DLGAP1: variants seen among roughly 807,000 people sequenced by gnomAD.
The protein encoded by DLGAP1 is disks large-associated protein 1.
A neutral mutation model predicts 90.8 loss-of-function variants in DLGAP1; 11 were observed. That is an observed-to-expected ratio of 0.12 (90% CI 0.08 to 0.20). The LOEUF is 0.20. DLGAP1 is among the 10% of genes least tolerant of loss of function. The pLI, the probability that DLGAP1 is intolerant of heterozygous loss-of-function variation, is 1.00. For missense variants in DLGAP1, 1,050 were observed against 1,333.8 expected, an observed-to-expected ratio of 0.79 and a Z score of 3.31; for synonymous variants, 558 against 540.7, an observed-to-expected ratio of 1.03 and a Z score of -0.44.
At chr18:3,752,553 T>C (rs1356497528) in intron 5 of DLGAP1, among the ~76,000 whole-genome samples, 2 of 100,204 alleles carry the variant, frequency 2.0e-5, no homozygotes, top group Non-Finnish European at 3.7e-5. Context: ...CTCCCTCCCT[T>C]CCTTCCTTCT....
intron 2 of DLGAP1, among the ~76,000 whole-genome samples, chr18:4,095,305 A>T (rs1237372455): frequency 6.6e-6 from 1 of 152,152 alleles, no homozygotes; most frequent in African/African-American, 2.4e-5. Flanking sequence ...CACCTTCCCC[A>T]ATCAGGTACA....
intron 4 of DLGAP1, among the ~76,000 whole-genome samples, chr18:3,875,412 T>G (rs1176061526): frequency 2.6e-5 from 4 of 152,202 alleles, no homozygotes; most frequent in African/African-American, 9.6e-5. Context: ...CAAAGTTGTT[T>G]TGAGTACTTA....
intron 2 of DLGAP1, among the ~76,000 whole-genome samples, chr18:4,096,552 A>G (rs2075683118): frequency 6.7e-6 from 1 of 149,934 alleles, no homozygotes; most frequent in Admixed American, 6.7e-5. Context: ...GAATCTTTTC[A>G]TAGGTTTCAT....
In DLGAP1 at chr18:3,973,175, T is replaced by A. The variant is rs182464352; in HGVS notation, c.-73+31941A>T. ...TGAATACTTACAATGTACAAAATAA[T>A]TTCCTAGATTCTATAAGGAACACAG... On this transcript the variant is annotated intron_variant, in intron 3 of 12. Coordinates refer to ENST00000315677, the MANE Select transcript of DLGAP1 (RefSeq NM_004746.4). 3.9e-5 allele frequency among the ~76,000 whole-genome samples: 6 copies of A among 152,146 alleles called. No homozygotes were observed. The East Asian group carries it at 1.2e-3, about 29-fold the overall frequency.
chr18:4,402,314 C>T (rs1281944769), intron 1 of DLGAP1, among the ~76,000 whole-genome samples: 1 of 152,160 alleles, frequency 6.6e-6, no homozygotes, highest in Non-Finnish European at 1.5e-5. Context: ...ATTTAATCCA[C>T]TAAATTTTAG....
chr18:4,442,965 G>A (rs1268706777), intron 1 of DLGAP1, among the ~76,000 whole-genome samples: 6 of 152,116 alleles, frequency 3.9e-5, no homozygotes, highest in Non-Finnish European at 7.3e-5. Context: ...TCAATAAATC[G>A]GTTTTGGTTG....
chr18:4,150,792 C>T (rs2076662703), intron 2 of DLGAP1, among the ~76,000 whole-genome samples: 1 of 152,182 alleles, frequency 6.6e-6, no homozygotes. Flanking sequence ...TGGATAAATG[C>T]AAATTTGTTC....
intron 1 of DLGAP1, among the ~76,000 whole-genome samples, chr18:4,350,976 C>T (rs950755458): frequency 2.6e-5 from 4 of 152,236 alleles, no homozygotes; most frequent in Admixed American, 2.0e-4. Context: ...CCAGCACACA[C>T]TGAAATAGCC....
At chr18:3,588,860 C>G (rs958935319) in intron 7 of DLGAP1, among the ~76,000 whole-genome samples, 1 of 152,118 alleles carries the variant, frequency 6.6e-6, no homozygotes, top group African/African-American at 2.4e-5. Context: ...CGAGCTAGCT[C>G]ATGATTGAAT....
chr18:3,947,562 A>T (rs767777226), intron 3 of DLGAP1, among the ~76,000 whole-genome samples: 1 of 152,200 alleles, frequency 6.6e-6, no homozygotes, highest in Non-Finnish European at 1.5e-5. Context: ...TAAGATACAC[A>T]TACGTATGTT....
intron 1 of DLGAP1, among the ~76,000 whole-genome samples, chr18:4,367,718 A>G (rs1023709478): frequency 4.6e-5 from 7 of 152,030 alleles, no homozygotes; most frequent in South Asian, 2.1e-4. Context: ...GCGTCGTGGC[A>G]GGCACCTGCA....
chr18:3,740,981 A>G (rs1054414543), intron 6 of DLGAP1, among the ~76,000 whole-genome samples: 19 of 119,694 alleles, frequency 1.6e-4, no homozygotes, highest in Admixed American at 8.6e-4. Context: ...TCACATCACC[A>G]CCACCACCAC....
intron 1 of DLGAP1, among the ~76,000 whole-genome samples, chr18:4,274,242 TTTC>T (rs1354467601): frequency 1.3e-5 from 2 of 152,160 alleles, no homozygotes; most frequent in African/African-American, 4.8e-5. Context: ...TGTTTTTGGA[TTTC>T]TTTTTTAATT....
chr18:4,316,512 A>G lies in DLGAP1; in HGVS notation c.-267+138494T>C, dbSNP rs143023389. ...ACAGTCTTACTCAGAGATATCCCAG[A>G]AAACCACGGTCCTCTCCTATGGCTC... On this transcript the variant is annotated intron_variant, in intron 1 of 12. Coordinates refer to ENST00000315677, the MANE Select transcript of DLGAP1 (RefSeq NM_004746.4). Among the ~76,000 whole-genome samples, 24 of 152,310 alleles carry G rather than the reference A, an allele frequency of 1.6e-4. No individual in the cohort carries two copies. In the East Asian group the frequency reaches 4.3e-3, roughly 27 times the overall value.
chr18:3,782,504 T>C (rs2065247183), intron 5 of DLGAP1, among the ~76,000 whole-genome samples: 2 of 152,226 alleles, frequency 1.3e-5, no homozygotes, highest in South Asian at 4.1e-4. Flanking sequence ...AGAGAGACTT[T>C]GCAGGTGTTG....
intron 3 of DLGAP1, among the ~76,000 whole-genome samples, chr18:3,932,007 T>A (rs2072527809): frequency 6.6e-6 from 1 of 152,186 alleles, no homozygotes; most frequent in Admixed American, 6.5e-5. Flanking sequence ...CCTGCTTTCT[T>A]ACCTGCACAT....
chr18:3,837,586 T>C (rs1305158009), intron 4 of DLGAP1, among the ~76,000 whole-genome samples: 1 of 152,086 alleles, frequency 6.6e-6, no homozygotes, highest in Non-Finnish European at 1.5e-5. Context: ...CAGTGGCTCA[T>C]GCCTGTAATT....
chr18:4,365,874 T>C (rs1392958229), intron 1 of DLGAP1, among the ~76,000 whole-genome samples: 1 of 152,144 alleles, frequency 6.6e-6, no homozygotes, highest in Non-Finnish European at 1.5e-5. Context: ...GTCCCTAAGG[T>C]ATTAAGTCAA....
intron 8 of DLGAP1, among the ~76,000 whole-genome samples, chr18:3,572,136 T>C (rs376016089): frequency 4.1e-5 from 6 of 146,142 alleles, no homozygotes; most frequent in Admixed American, 2.8e-4. Flanking sequence ...TGGAGTGCAA[T>C]GGCGCGATCT....
Sources: allele counts gnomAD v4.1 joint callset (sites outside exome capture counted in the v4.1 genomes callset), GRCh38; gene constraint gnomAD v4.1.1; transcripts MANE v1.5; gene names NCBI Gene and HGNC (gene_info 2026-07-23, HGNC 2026-07-21).